Variants in ZSCAN9 observed in about 807,000 individuals in gnomAD.
ZSCAN9 encodes the protein zinc finger and SCAN domain-containing protein 9.
Under a neutral mutation model 23.0 loss-of-function variants are expected in ZSCAN9, and 19 were observed. The ratio of observed to expected loss-of-function variants is 0.83; its 90% CI spans 0.58 to 1.21. The LOEUF is 1.21. ZSCAN9 is among the 50% of genes most tolerant of loss of function. ZSCAN9 has a pLI of 0.00. For synonymous variants in ZSCAN9, 155 were observed against 164.8 expected (o/e 0.94, Z 0.46); for missense variants, 467 against 471.5 (o/e 0.99, Z 0.09).
intron 3 of ZSCAN9, chr6:28,230,528 T>G: frequency 6.6e-7 from 1 of 1,521,848 alleles, no homozygotes; most frequent in East Asian, 2.5e-5. Flanking sequence ...CAGTTAGATA[T>G]GGGAGAAAGA....
intron 3 of ZSCAN9, chr6:28,230,336 AT>A (rs1490971975): frequency 6.5e-7 from 1 of 1,528,962 alleles, no homozygotes; most frequent in Admixed American, 2.0e-5. Context: ...TGGATTTCAG[AT>A]TTAATACGAA....
chr6:28,226,803 A>G (rs1760126390), intron 1 of ZSCAN9: 2 of 215,216 alleles, frequency 9.3e-6, no homozygotes, highest in Admixed American at 5.3e-5. Context: ...TAAAAAAAAA[A>G]GAAAGAAAGA....
rs754063654 is a variant in ZSCAN9 at position 28,233,214 on chromosome 6, C to T, written c.*36C>T. 2 of 1,591,794 alleles carry T rather than the reference C, an allele frequency of 1.3e-6. No individual in the cohort carries two copies. The highest frequency in any genetic ancestry group is 1.7e-6 in the Non-Finnish European group (2 of 1,167,394). On this transcript the variant is annotated 3_prime_UTR_variant, in exon 4 of 4. Transcript: ENST00000252207. ...TGAGCAAGTTTTCCAGATCACCACCCAAGTTGTGTGGGGCAGGTTGAGACT... is the reference window on the plus strand; with the variant it reads ...TGAGCAAGTTTTCCAGATCACCACCTAAGTTGTGTGGGGCAGGTTGAGACT...
chr6:28,229,917 G>C (rs528768905), intron 3 of ZSCAN9, among the ~76,000 whole-genome samples: 82 of 151,374 alleles, frequency 5.4e-4, no homozygotes, highest in African/African-American at 1.9e-3. Context: ...GAATGCAGTG[G>C]CACGATCTCG....
At chr6:28,228,149 C>T (rs774904211) in intron 3 of ZSCAN9, 1 of 655,696 alleles carries the variant, frequency 1.5e-6, no homozygotes, top group Non-Finnish European at 2.7e-6. Context: ...CAGATCCTGG[C>T]ATCGCCTCAT....
chr6:28,231,484 C>A (rs953680487), intron 3 of ZSCAN9, among the ~76,000 whole-genome samples: 1 of 152,302 alleles, frequency 6.6e-6, no homozygotes, highest in South Asian at 2.1e-4. Context: ...TGGTGGCTCA[C>A]GCCTGTAATC....
chr6:28,232,161 G>C (rs76158636), intron 3 of ZSCAN9, among the ~76,000 whole-genome samples: 4,652 of 152,200 alleles, frequency 0.031, 216 homozygotes, highest in East Asian at 0.21. Context: ...GCGAAACCGC[G>C]TCTGTACTAA....
intron 3 of ZSCAN9, among the ~76,000 whole-genome samples, chr6:28,229,986 T>C (rs1291351683): frequency 6.6e-6 from 1 of 151,998 alleles, no homozygotes; most frequent in African/African-American, 2.4e-5. Flanking sequence ...GCCTCCCAAG[T>C]AGCTGGGACT....
At chr6:28,230,103 C>T (rs546589094) in intron 3 of ZSCAN9, among the ~76,000 whole-genome samples, 6 of 152,264 alleles carry the variant, frequency 3.9e-5, no homozygotes, top group African/African-American at 1.2e-4. Flanking sequence ...GTGATTCGCC[C>T]GCCTCGGCCT....
In ZSCAN9 at chr6:28,227,763, C is replaced by G. The variant is rs2113649415; in HGVS notation, c.494C>G (p.Thr165Ser). 6.2e-7 allele frequency: 1 copy of G among 1,613,498 alleles called. No homozygotes were observed. The highest frequency in any genetic ancestry group is 1.1e-5 in the South Asian group (1 of 90,992). The stretch of plus-strand genomic sequence containing the variant: ...CCTCTAGCAGAGCAGACACCACTGA[C>G]CCTTCAGTCCCAGCCTAAGGAGCCA... ...MVPLAEQTPL[T>S]LQSQPKEPQL... The change falls in exon 3 of 4, where the codon ACC becomes AGC. Residue 165 changes from threonine to serine, a missense_variant. By Grantham distance (58) the Thr-to-Ser change is moderately conservative. Coordinates refer to ENST00000252207, the MANE Select transcript of ZSCAN9 (RefSeq NM_006299.5).
At chr6:28,226,627 G>T (rs1132343) in intron 1 of ZSCAN9, among the ~76,000 whole-genome samples, 3,701 of 152,156 alleles carry the variant, frequency 0.024, 83 homozygotes, top group African/African-American at 0.067. Context: ...TAAATATTAG[G>T]ATCAGAATAA....
Position 28,227,791 on chromosome 6 carries a change from G to A in ZSCAN9, c.522G>A (p.Gln174=). 6.2e-7 allele frequency: 1 copy of A among 1,613,540 alleles called. No individual in the cohort carries two copies. The highest frequency in any genetic ancestry group is 8.5e-7 in the Non-Finnish European group (1 of 1,179,856). Residue 174 remains glutamine (Q), a synonymous_variant, in exon 3 of 4, where the codon CAG becomes CAA. Coordinates refer to ENST00000252207, the MANE Select transcript of ZSCAN9 (RefSeq NM_006299.5). ...TTCAGTCCCAGCCTAAGGAGCCACA[G>A]CTCACATGTGACTCTGCTCAGAAGT... The part of the protein sequence containing the change: ...LTLQSQPKEP[Q]LTCDSAQKCH...
intron 3 of ZSCAN9, chr6:28,230,277 T>TGG: frequency 7.1e-7 from 1 of 1,415,502 alleles, no homozygotes; most frequent in Admixed American, 2.5e-5. Flanking sequence ...ATGGTAATCA[T>TGG]TAAAAGGTGG....
chr6:28,227,389 C>T lies in ZSCAN9; in HGVS notation c.305C>T (p.Ser102Phe). ...LDLLVLEQFL[S>F]ILPKELQGWV... is the part of the protein sequence containing the mutation. ...CTGCTGGTGCTGGAGCAGTTTCTATCCATTCTGCCCAAGGAGCTCCAGGGC... is the reference window on the plus strand; with the variant it reads ...CTGCTGGTGCTGGAGCAGTTTCTATTCATTCTGCCCAAGGAGCTCCAGGGC... The change falls in exon 2 of 4, where the codon TCC (serine) becomes TTC (phenylalanine). Residue 102 changes from serine (S) to phenylalanine (F), a missense_variant. By Grantham distance (155) the Ser-to-Phe change is radical (BLOSUM62 -2). Coordinates refer to ENST00000252207, the MANE Select transcript of ZSCAN9 (RefSeq NM_006299.5). The T allele has an allele frequency of 6.2e-7, 1 of 1,614,166 alleles. No individual in the cohort carries two copies. The highest frequency in any genetic ancestry group is 1.7e-5 in the Admixed American group (1 of 60,014).
In ZSCAN9 at chr6:28,227,793, T is replaced by TC; in HGVS notation, c.525dup (p.Thr176HisfsTer3). On this transcript the variant is annotated frameshift_variant, in exon 3 of 4. Transcript: ENST00000252207. LOFTEE classifies it low-confidence loss of function (END_TRUNC). ...CAGTCCCAGCCTAAGGAGCCACAGC[T>TC]CACATGTGACTCTGCTCAGAAGTGC... 2 of 1,613,450 alleles carry TC rather than the reference T, an allele frequency of 1.2e-6. No homozygotes were observed. The highest frequency in any genetic ancestry group is 1.7e-6 in the Non-Finnish European group (2 of 1,179,836).
Position 28,227,245 on chromosome 6 carries a change from A to T in ZSCAN9, c.161A>T (p.His54Leu). The T allele has an allele frequency of 6.2e-7, 1 of 1,614,256 alleles. No individual in the cohort carries two copies. The highest frequency in any genetic ancestry group is 8.5e-7 in the Non-Finnish European group (1 of 1,180,046). The change falls in exon 2 of 4, where the codon CAC becomes CTC. Residue 54 changes from histidine to leucine, a missense_variant. Physicochemically the swap from His to Leu is moderately conservative, Grantham distance 99 (BLOSUM62 -3). Coordinates refer to ENST00000252207, the MANE Select transcript of ZSCAN9 (RefSeq NM_006299.5). ...NPLAREIFRR[H>L]FRQLCYQETP... ...CTGGCAAGGGAAATCTTCCGAAGGC[A>T]CTTTCGACAGCTGTGCTACCAAGAG... is the stretch of plus-strand genomic sequence containing the variant.
chr6:28,226,734 A>C (rs1760124734), intron 1 of ZSCAN9, among the ~76,000 whole-genome samples: 1 of 152,150 alleles, frequency 6.6e-6, no homozygotes, highest in Non-Finnish European at 1.5e-5. Context: ...TTGAGGTTGC[A>C]GTGAGCTGTG....
At chr6:28,230,343 A>G (rs1454950669) in intron 3 of ZSCAN9, 1 of 1,530,908 alleles carries the variant, frequency 6.5e-7, no homozygotes, top group Non-Finnish European at 8.7e-7. Context: ...CAGATTTAAT[A>G]CGAAGTTTGA....
At position 28,232,959 on chromosome 6, in the gene ZSCAN9, T is replaced by G; in HGVS notation, c.966T>G (p.Ser322Arg). 1 of 1,613,676 alleles carries G rather than the reference T, an allele frequency of 6.2e-7. No individual in the cohort carries two copies. The highest frequency in any genetic ancestry group is 8.5e-7 in the Non-Finnish European group (1 of 1,179,930). Residue 322 changes from serine (S) to arginine (R), a missense_variant, in exon 4 of 4, where the codon AGT becomes AGG. Ser to Arg is a moderately radical substitution (Grantham distance 110, BLOSUM62 -1). Coordinates refer to ENST00000252207, the MANE Select transcript of ZSCAN9 (RefSeq NM_006299.5). ...CKECGKVFSQSAGLIQHQRIH... is the reference protein window; with the variant it reads ...CKECGKVFSQRAGLIQHQRIH... ...AGTGTGGGAAGGTCTTCAGTCAGAG[T>G]GCGGGTCTTATCCAGCATCAGAGAA...
Sources: allele counts gnomAD v4.1 joint callset (sites outside exome capture counted in the v4.1 genomes callset), GRCh38; gene constraint gnomAD v4.1.1; transcripts MANE v1.5; gene names NCBI Gene and HGNC (gene_info 2026-07-23, HGNC 2026-07-21).